Variants in EFHC2 observed in about 807,000 individuals in gnomAD.
The protein encoded by EFHC2 is EF-hand domain-containing family member C2.
A neutral mutation model predicts 52.7 loss-of-function variants in EFHC2; 18 were observed. That is an observed-to-expected ratio of 0.34 (90% CI 0.24 to 0.51). The LOEUF (loss-of-function observed/expected upper bound fraction) is 0.51. EFHC2 is among the 20% of genes least tolerant of loss of function. The pLI is 0.97. For missense variants in EFHC2, 513 were observed against 562.5 expected (o/e 0.91, Z 0.89); for synonymous variants, 203 against 204.1 (o/e 0.99, Z 0.04).
chrX:44,308,253 A>C (rs1243114574), intron 2 of EFHC2, among the ~76,000 whole-genome samples: 4 of 111,401 alleles, frequency 3.6e-5, no homozygotes, highest in Non-Finnish European at 7.5e-5. Context: ...TCACCACTTA[A>C]CAGGAGCAAG....
intron 4 of EFHC2, among the ~76,000 whole-genome samples, chrX:44,256,825 CACA>C (rs373900461): frequency 9.2e-6 from 1 of 108,766 alleles, no homozygotes; most frequent in East Asian, 2.8e-4. Flanking sequence ...CTGGCAGAGA[CACA>C]ACAACAACAA....
At chrX:44,190,001 A>G (rs1246783193) in intron 11 of EFHC2, among the ~76,000 whole-genome samples, 1 of 111,656 alleles carries the variant, frequency 9.0e-6, no homozygotes, top group Non-Finnish European at 1.9e-5. Context: ...CTAGGCCTTG[A>G]TTCCCTCCTT....
intron 2 of EFHC2, among the ~76,000 whole-genome samples, chrX:44,296,696 T>G (rs1275978933): frequency 8.9e-6 from 1 of 111,918 alleles, no homozygotes; most frequent in Non-Finnish European, 1.9e-5. Context: ...ATTTAAAAGG[T>G]AGTTATTTAT....
chrX:44,233,152 G>C (rs2037292940), intron 9 of EFHC2, among the ~76,000 whole-genome samples: 1 of 111,979 alleles, frequency 8.9e-6, no homozygotes, highest in African/African-American at 3.2e-5. Context: ...GGAACATCAG[G>C]AAGGCACTCA....
rs193241314 is a variant in EFHC2 at position 44,236,378 on chromosome X, G to A, written c.1281-931C>T. 2.5e-3 allele frequency among the ~76,000 whole-genome samples: 278 copies of A among 112,005 alleles called. 3 individuals carry two copies. Among genetic ancestry groups the A allele is most frequent in the African/African-American group, 8.7e-3 (267 of 30,832 alleles). ...ACTTTGTAAGAAACAGTAAACCCTT[G>A]GAGAGGTCTTTGATAACTAAAATCA... On this transcript the variant is annotated intron_variant, in intron 8 of 14. Coordinates refer to ENST00000420999, the MANE Select transcript of EFHC2 (RefSeq NM_025184.4).
At chrX:44,151,295 T>C (rs1164579762) in intron 14 of EFHC2, among the ~76,000 whole-genome samples, 3 of 111,834 alleles carry the variant, frequency 2.7e-5, no homozygotes, top group Non-Finnish European at 5.6e-5. Flanking sequence ...AATTCAGTAA[T>C]AGTTGACAGT....
At chrX:44,228,829 C>A (rs1013089626) in intron 11 of EFHC2, among the ~76,000 whole-genome samples, 1 of 111,751 alleles carries the variant, frequency 8.9e-6, no homozygotes, top group Non-Finnish European at 1.9e-5. Flanking sequence ...CTGCATCAAG[C>A]GGAGTTTACT....
At chrX:44,204,374 A>C (rs2147297848) in intron 11 of EFHC2, among the ~76,000 whole-genome samples, 1 of 111,846 alleles carries the variant, frequency 8.9e-6, no homozygotes, top group South Asian at 3.7e-4. Flanking sequence ...ATGGATCCTA[A>C]CCAGATTGAA....
intron 1 of EFHC2, among the ~76,000 whole-genome samples, chrX:44,330,508 C>T (rs1054303295): frequency 3.0e-4 from 33 of 110,266 alleles, no homozygotes; most frequent in Admixed American, 7.8e-4. Context: ...CAAAAGTTAA[C>T]AGTAAAAAAA....
chrX:44,154,012 C>T (rs2036589151), intron 14 of EFHC2, among the ~76,000 whole-genome samples: 1 of 112,626 alleles, frequency 8.9e-6, no homozygotes, highest in African/African-American at 3.2e-5. Flanking sequence ...AAGTTGATCC[C>T]ACCCATTCCA....
chrX:44,339,156 G>A (rs931802342), intron 1 of EFHC2, among the ~76,000 whole-genome samples: 26 of 101,071 alleles, frequency 2.6e-4, no homozygotes, highest in Non-Finnish European at 3.3e-4. Flanking sequence ...GCGCCATTGC[G>A]CTCCAGCCTG....
chrX:44,290,354 A>G (rs1364187953), intron 2 of EFHC2, among the ~76,000 whole-genome samples: 1 of 111,326 alleles, frequency 9.0e-6, no homozygotes, highest in African/African-American at 3.3e-5. Context: ...TTTACTTCTC[A>G]CTTTGTATTA....
intron 3 of EFHC2, among the ~76,000 whole-genome samples, chrX:44,264,777 T>C (rs1747508723): frequency 1.8e-5 from 2 of 112,212 alleles, no homozygotes; most frequent in African/African-American, 6.5e-5. Context: ...TTTATGTTTT[T>C]AGTCTTCCAC....
At chrX:44,219,244 C>A (rs1026445596) in intron 11 of EFHC2, among the ~76,000 whole-genome samples, 2 of 108,993 alleles carry the variant, frequency 1.8e-5, no homozygotes, top group Non-Finnish European at 3.8e-5. Flanking sequence ...TAGGATGGAG[C>A]ATGAGGGAAC....
At chrX:44,207,568 A>G (rs2037058431) in intron 11 of EFHC2, among the ~76,000 whole-genome samples, 2 of 112,596 alleles carry the variant, frequency 1.8e-5, no homozygotes, top group South Asian at 7.2e-4. Context: ...AAACCTAGGA[A>G]AAATTCTTCT....
chrX:44,163,141 C>G (rs887379358), intron 14 of EFHC2, among the ~76,000 whole-genome samples: 5 of 112,232 alleles, frequency 4.5e-5, no homozygotes, highest in Admixed American at 2.8e-4. Flanking sequence ...AGCTGCATGC[C>G]TGAGGGAACT....
Position 44,261,197 on chromosome X carries a change from C to T in EFHC2, c.484G>A (p.Gly162Ser). The T allele has an allele frequency of 1.7e-6, 2 of 1,211,394 alleles. No individual in the cohort carries two copies. Among genetic ancestry groups the T allele is most frequent in the Non-Finnish European group, 2.2e-6 (2 of 895,270 alleles). ...FNVGTEVVFY[G>S]RTFKIYDCDA... ...CAGTCATAAATCTTGAATGTCCGGCCATAGAAGACAACCTCTGTGCCGACA... is the reference window on the plus strand; with the variant it reads ...CAGTCATAAATCTTGAATGTCCGGCTATAGAAGACAACCTCTGTGCCGACA... The change falls in exon 4 of 15, where the codon GGC (glycine) becomes AGC (serine). Residue 162 changes from glycine to serine, a missense_variant. Coordinates refer to ENST00000420999, the MANE Select transcript of EFHC2 (RefSeq NM_025184.4).
chrX:44,166,092 C>T (rs1283040416), intron 13 of EFHC2, among the ~76,000 whole-genome samples: 1 of 111,401 alleles, frequency 9.0e-6, no homozygotes, highest in Non-Finnish European at 1.9e-5. Flanking sequence ...TCTGAACAGA[C>T]TAAGAAGGGA....
chrX:44,209,025 G>C (rs1380352682), intron 11 of EFHC2, among the ~76,000 whole-genome samples: 1 of 6,028 alleles, frequency 1.7e-4, no homozygotes, highest in Non-Finnish European at 2.7e-4. Context: ...CAATCTGTGT[G>C]TGTGTGTGTG....
Sources: allele counts gnomAD v4.1 joint callset (sites outside exome capture counted in the v4.1 genomes callset), GRCh38; gene constraint gnomAD v4.1.1; transcripts MANE v1.5; gene names NCBI Gene and HGNC (gene_info 2026-07-23, HGNC 2026-07-21).